ZYG11B: variants seen among roughly 807,000 people sequenced by gnomAD.
ZYG11B encodes protein zyg-11 homolog B.
Under a neutral mutation model 82.4 loss-of-function variants are expected in ZYG11B, and 36 were observed. The observed-to-expected ratio is 0.44, with a 90% confidence interval of 0.33 to 0.58. The LOEUF (loss-of-function observed/expected upper bound fraction) is 0.58, where lower values mean the gene tolerates loss of function less well. Ranked by LOEUF, ZYG11B falls within the 20% of genes least tolerant of loss-of-function variation. The pLI is 0.02. For missense variants in ZYG11B, 552 were observed against 895.6 expected, an observed-to-expected ratio of 0.62 and a Z score of 4.90; for synonymous variants, 303 against 312.8, an observed-to-expected ratio of 0.97 and a Z score of 0.33.
chr1:52,770,738 A>AACTAC (rs1644743109), intron 2 of ZYG11B, among the ~76,000 whole-genome samples: 5 of 152,224 alleles, frequency 3.3e-5, no homozygotes, highest in African/African-American at 1.2e-4. Context: ...TGGGAAATGT[A>AACTAC]GTTGTCTGGT....
intron 1 of ZYG11B, among the ~76,000 whole-genome samples, chr1:52,743,004 G>A (rs942348297): frequency 6.6e-6 from 1 of 151,350 alleles, no homozygotes; most frequent in African/African-American, 2.4e-5. Context: ...CGGCCGCCCC[G>A]TCTGGGAAGT....
chr1:52,766,977 C>T (rs1318928359), intron 2 of ZYG11B, among the ~76,000 whole-genome samples: 3 of 149,700 alleles, frequency 2.0e-5, no homozygotes, highest in African/African-American at 7.4e-5. Flanking sequence ...CACTGCACTC[C>T]AGCCTGGGTG....
At chr1:52,787,852 A>T (rs1644926850) in intron 5 of ZYG11B, among the ~76,000 whole-genome samples, 1 of 152,158 alleles carries the variant, frequency 6.6e-6, no homozygotes, top group African/African-American at 2.4e-5. Flanking sequence ...AAATACTGTA[A>T]ACTATTTTGA....
intron 8 of ZYG11B, among the ~76,000 whole-genome samples, chr1:52,797,384 A>G (rs186239893): frequency 0.33 from 30,336 of 92,090 alleles, 5,017 homozygotes; most frequent in East Asian, 0.44. Context: ...AATATATAAT[A>G]CATATATATC....
chr1:52,807,843 T>A (rs1305087953), intron 10 of ZYG11B, among the ~76,000 whole-genome samples: 1 of 152,192 alleles, frequency 6.6e-6, no homozygotes, highest in Admixed American at 6.5e-5. Flanking sequence ...ACAGTGTGGA[T>A]CTGCTGATGA....
At chr1:52,776,296 C>G (rs1480448835) in intron 3 of ZYG11B, among the ~76,000 whole-genome samples, 51 of 134,034 alleles carry the variant, frequency 3.8e-4, no homozygotes, top group Non-Finnish European at 6.7e-4. Flanking sequence ...TTTGGGAGGC[C>G]AAGACATGCG....
intron 1 of ZYG11B, among the ~76,000 whole-genome samples, chr1:52,732,799 C>T (rs1347787075): frequency 6.6e-6 from 1 of 151,672 alleles, no homozygotes; most frequent in Non-Finnish European, 1.5e-5. Context: ...TGTGGTGAAA[C>T]CCTGTCTCTA....
chr1:52,732,568 T>G (rs1446020113), intron 1 of ZYG11B, among the ~76,000 whole-genome samples: 1 of 151,982 alleles, frequency 6.6e-6, no homozygotes, highest in Non-Finnish European at 1.5e-5. Context: ...GACACTGTGA[T>G]TACAGAGGTT....
At chr1:52,788,784 T>G (rs503015) in intron 5 of ZYG11B, among the ~76,000 whole-genome samples, 2 of 152,026 alleles carry the variant, frequency 1.3e-5, no homozygotes, top group African/African-American at 4.8e-5. Context: ...GGTAATATCT[T>G]TGCCCTGAGT....
At chr1:52,756,427 G>T (rs1431376446) in intron 1 of ZYG11B, 31 bp from the exon 2 acceptor site, 2 of 1,587,836 alleles carry the variant, frequency 1.3e-6, no homozygotes, top group Admixed American at 3.7e-5. Flanking sequence ...TGGTTTTTGT[G>T]TTTCTTTTAT....
intron 2 of ZYG11B, among the ~76,000 whole-genome samples, chr1:52,758,928 ATAT>A (rs572885491): frequency 3.2e-4 from 49 of 151,702 alleles, no homozygotes; most frequent in African/African-American, 1.1e-3. Context: ...TATGCTCAGT[ATAT>A]TATTATTATT....
At chr1:52,817,798 TATATATATATATATATA>T (rs1190049756) in intron 13 of ZYG11B, among the ~76,000 whole-genome samples, 32 of 53,154 alleles carry the variant, frequency 6.0e-4, no homozygotes, top group African/African-American at 1.5e-3. Flanking sequence ...TATATATATA[TATATATATATATATATA>T]TTTTTTTTTT....
At chr1:52,812,065 C>T (rs1645188561) in intron 10 of ZYG11B, among the ~76,000 whole-genome samples, 1 of 149,244 alleles carries the variant, frequency 6.7e-6, no homozygotes, top group Non-Finnish European at 1.5e-5. Context: ...TTTCTTATGT[C>T]TTCATTTTCT....
intron 5 of ZYG11B, among the ~76,000 whole-genome samples, chr1:52,786,484 C>T (rs1379137768): frequency 1.3e-5 from 2 of 152,108 alleles, no homozygotes; most frequent in East Asian, 1.9e-4. Flanking sequence ...CACGGTGGCT[C>T]ACGCCTGTAA....
intron 6 of ZYG11B, among the ~76,000 whole-genome samples, chr1:52,792,565 A>G (rs1006609728): frequency 1.2e-4 from 18 of 152,218 alleles, no homozygotes; most frequent in African/African-American, 4.1e-4. Context: ...CCAAGGTAAT[A>G]AGATAGTAAG....
chr1:52,783,882 A>ATGTACATACACCTGTGTGTG (rs74208826), intron 4 of ZYG11B, among the ~76,000 whole-genome samples: 1 of 126,010 alleles, frequency 7.9e-6, no homozygotes. Flanking sequence ...ACGTGTGTGT[A>ATGTACATACACCTGTGTGTG]TATGTACATA....
At chr1:52,799,610 A>T (rs1375909928) in intron 8 of ZYG11B, among the ~76,000 whole-genome samples, 1 of 150,338 alleles carries the variant, frequency 6.7e-6, no homozygotes, top group Non-Finnish European at 1.5e-5. Flanking sequence ...GGTGTCAAAC[A>T]TGGTGAAACC....
At chr1:52,731,844 C>G (rs1417543173) in intron 1 of ZYG11B, among the ~76,000 whole-genome samples, 2 of 152,082 alleles carry the variant, frequency 1.3e-5, no homozygotes, top group East Asian at 3.9e-4. Context: ...ACTCTGTCAC[C>G]CAGGCTGGAG....
rs574529245 is a variant in ZYG11B at position 52,827,115 on chromosome 1, C to A, written c.*5486C>A. 2.1e-4 allele frequency: 32 copies of A among 152,306 alleles called. No individual in the cohort carries two copies. Among genetic ancestry groups the A allele is most frequent in the African/African-American group, 5.8e-4 (24 of 41,560 alleles). The allele number at this position is 152,306 out of a possible 1,614,324, so 9.4% of individuals were successfully genotyped here. ...TGAATTCTGATAGAACAGTTTAACT[C>A]CTTTCTAAGGATATAAAAAATTCAT... On this transcript the variant is annotated 3_prime_UTR_variant, in exon 14 of 14. Transcript: ENST00000294353.
Sources: allele counts gnomAD v4.1 joint callset (sites outside exome capture counted in the v4.1 genomes callset), GRCh38; gene constraint gnomAD v4.1.1; transcripts MANE v1.5; gene names NCBI Gene and HGNC (gene_info 2026-07-23, HGNC 2026-07-21).